The following GCSAML variants were observed in gnomAD, a reference collection of about 807,000 sequenced individuals.
The protein encoded by GCSAML is germinal center associated signaling and motility like.
A neutral mutation model predicts 13.0 loss-of-function variants in GCSAML; 9 were observed. That is an observed-to-expected ratio of 0.69 (90% CI 0.42 to 1.21). The LOEUF is 1.21. GCSAML is among the 50% of genes most tolerant of loss of function. The probability of loss-of-function intolerance (pLI) is 0.00; values close to 1 mark genes in which losing one functional copy is unlikely to be tolerated. For missense variants in GCSAML, 143 were observed against 153.4 expected (o/e 0.93, Z 0.36); for synonymous variants, 37 against 52.9 (o/e 0.70, Z 1.31).
intron 1 of GCSAML, among the ~76,000 whole-genome samples, chr1:247,552,978 A>G (rs1572351503): frequency 4.6e-5 from 7 of 150,912 alleles, no homozygotes; most frequent in Admixed American, 4.6e-4. Context: ...CTGGTCTTGA[A>G]CTCCTGACCT....
chr1:247,545,900 T>TA (rs1667550802), upstream of GCSAML, among the ~76,000 whole-genome samples: 2 of 152,200 alleles, frequency 1.3e-5, no homozygotes, highest in Non-Finnish European at 2.9e-5. Context: ...AGGTATTGTG[T>TA]ACTTAACAAT....
chr1:247,541,651 C>G (rs1340666879), intron 2 of GCSAML, among the ~76,000 whole-genome samples: 3 of 152,032 alleles, frequency 2.0e-5, no homozygotes, highest in Non-Finnish European at 2.9e-5. Context: ...ATAGAAAAAC[C>G]CTTAGGTGAG....
rs538379394 is a variant in GCSAML, at chr1:247,550,584, C to T, written c.29+1364C>T. 1.3e-3 allele frequency among the ~76,000 whole-genome samples: 195 copies of T among 152,058 alleles called. 1 individual carries two copies. Among genetic ancestry groups the T allele is most frequent in the African/African-American group, 4.5e-3 (187 of 41,490 alleles). ...CCCGGGAGGCGGAGCTTGCAGTGAG[C>T]CGAGATCCCGCCACTGCACTCCAGC... On this transcript the variant is annotated intron_variant, in intron 1 of 4. Transcript: ENST00000366488.
At position 247,531,115 on chromosome 1, in the gene GCSAML, G is replaced by C. The variant is rs1414700853; in HGVS notation, c.-148+4061G>C. Reference sequence around the variant, plus strand: ...CGGAGCCTGCAAGGCGGAGTCCCGGGCTCAGCTCACCCCAGGCGCAGGCCT... The same window carrying C: ...CGGAGCCTGCAAGGCGGAGTCCCGGCCTCAGCTCACCCCAGGCGCAGGCCT... On this transcript the variant is annotated intron_variant, in intron 2 of 5. Transcript: ENST00000366489. The C allele has an allele frequency of 9.3e-5, 16 of 171,204 alleles. No individual in the cohort carries two copies. In the East Asian group the frequency reaches 2.7e-3, roughly 29 times the overall value. 10.6% of individuals were successfully genotyped at this position (171,204 alleles called of 1,614,324 possible). A position where few individuals can be genotyped will look rare whatever the true frequency, so the allele number is the denominator to read the frequency against.
chr1:247,537,606 C>CA (rs1290469763), intron 2 of GCSAML, among the ~76,000 whole-genome samples: 1 of 152,210 alleles, frequency 6.6e-6, no homozygotes, highest in Non-Finnish European at 1.5e-5. Flanking sequence ...TTTCTACAAG[C>CA]AATTTGTGTT....
chr1:247,532,814 G>A (rs1018802180), intron 2 of GCSAML, among the ~76,000 whole-genome samples: 5 of 151,860 alleles, frequency 3.3e-5, no homozygotes, highest in African/African-American at 4.8e-5. Context: ...CAACAGCTAC[G>A]TGGATGGCAT....
At chr1:247,522,683 A>C (rs1666494605) in intron 1 of GCSAML, among the ~76,000 whole-genome samples, 1 of 152,154 alleles carries the variant, frequency 6.6e-6, no homozygotes, top group Non-Finnish European at 1.5e-5. Context: ...GCGGTGCAAG[A>C]TGTGCTTTGT....
At chr1:247,523,569 A>C (rs12071797) in intron 1 of GCSAML, among the ~76,000 whole-genome samples, 134 of 152,114 alleles carry the variant, frequency 8.8e-4, no homozygotes, top group Middle Eastern at 6.8e-3. Context: ...TCCACATGGA[A>C]GTCTTGGTCC....
At chr1:247,534,073 C>T (rs752391105) in intron 2 of GCSAML, among the ~76,000 whole-genome samples, 3 of 152,312 alleles carry the variant, frequency 2.0e-5, no homozygotes, top group Middle Eastern at 6.8e-3. Context: ...GACTGAGGCC[C>T]TCCCTGACTG....
chr1:247,520,092 TA>T (rs754879946), intron 1 of GCSAML, among the ~76,000 whole-genome samples: 1 of 152,154 alleles, frequency 6.6e-6, no homozygotes, highest in African/African-American at 2.4e-5. Flanking sequence ...AAATTTACAC[TA>T]AAAAAAGGTG....
chr1:247,511,084 A>C (rs778758035), intron 1 of GCSAML, among the ~76,000 whole-genome samples: 93 of 152,154 alleles, frequency 6.1e-4, no homozygotes, highest in Middle Eastern at 3.2e-3. Context: ...TAATATTGAC[A>C]GTGAGGTGTT....
At position 247,574,768 on chromosome 1, in the gene GCSAML, T is replaced by G. The variant is rs1201662018; in HGVS notation, c.*386T>G. 4.6e-6 allele frequency: 1 copy of G among 215,472 alleles called. No individual in the cohort carries two copies. Among genetic ancestry groups the G allele is most frequent in the Non-Finnish European group, 9.3e-6 (1 of 107,388 alleles). The allele number at this position is 215,472 out of a possible 1,614,324, so 13.3% of individuals were successfully genotyped here. A position where few individuals can be genotyped will look rare whatever the true frequency, so the allele number is the denominator to read the frequency against. ...CTGAAAGACTGAATTCTGGCCATGA[T>G]AGGAAGGGAGGTGAGACACACCTTG... On this transcript the variant is annotated 3_prime_UTR_variant, in exon 5 of 5. Coordinates refer to ENST00000366488, the MANE Select transcript of GCSAML (RefSeq NM_145278.5).
chr1:247,574,457 C>T lies in GCSAML; in HGVS notation c.*75C>T. ...AGCAGACTCTGGCGAAGTTGTTCAC[C>T]CTGAGCAGTGCATGAAACATTCCTT... On this transcript the variant is annotated 3_prime_UTR_variant, in exon 5 of 5. Transcript: ENST00000366488. The T allele has an allele frequency of 6.6e-7, 1 of 1,506,364 alleles. No individual in the cohort carries two copies. 93.3% of individuals were successfully genotyped at this position (1,506,364 alleles called of 1,614,324 possible). A position where few individuals can be genotyped will look rare whatever the true frequency, so the allele number is the denominator to read the frequency against.
At chr1:247,549,094 A>G (rs1288968840), upstream of GCSAML, 1 of 1,612,292 alleles carries the variant, frequency 6.2e-7, no homozygotes, top group Non-Finnish European at 8.5e-7. Flanking sequence ...GGTCAGATGC[A>G]ACGTCCTGCC....
At chr1:247,558,345 C>T (rs1450444888) in intron 2 of GCSAML, among the ~76,000 whole-genome samples, 1 of 152,148 alleles carries the variant, frequency 6.6e-6, no homozygotes, top group Non-Finnish European at 1.5e-5. Context: ...TTCATTTAAA[C>T]ATATTTACAG....
At chr1:247,550,497 C>A (rs755092087) in intron 1 of GCSAML, among the ~76,000 whole-genome samples, 2 of 151,942 alleles carry the variant, frequency 1.3e-5, no homozygotes, top group Admixed American at 1.3e-4. Context: ...ATTAGCCGGG[C>A]GTGGTGGTGG....
At chr1:247,545,923 T>G (rs1667552074), upstream of GCSAML, among the ~76,000 whole-genome samples, 1 of 152,112 alleles carries the variant, frequency 6.6e-6, no homozygotes, top group South Asian at 2.1e-4. Context: ...GTCAAGAGTG[T>G]AGATCTCATG....
At chr1:247,513,797 A>C (rs1305170378) in intron 1 of GCSAML, among the ~76,000 whole-genome samples, 2 of 152,224 alleles carry the variant, frequency 1.3e-5, no homozygotes, top group Non-Finnish European at 2.9e-5. Context: ...TTCCTGGGTG[A>C]GGCAATGCTC....
chr1:247,570,648 T>C (rs1012036266), intron 4 of GCSAML, among the ~76,000 whole-genome samples: 5 of 152,206 alleles, frequency 3.3e-5, no homozygotes, highest in Non-Finnish European at 7.3e-5. Context: ...GATTTTAGGA[T>C]AAGTGCTATT....
Sources: allele counts gnomAD v4.1 joint callset (sites outside exome capture counted in the v4.1 genomes callset), GRCh38; gene constraint gnomAD v4.1.1; transcripts MANE v1.5; gene names NCBI Gene and HGNC (gene_info 2026-07-23, HGNC 2026-07-21).